PCOLCE2: variants seen among roughly 807,000 people sequenced by gnomAD.
PCOLCE2 encodes procollagen C-proteinase enhancer 2.
A neutral mutation model predicts 47.0 loss-of-function variants in PCOLCE2; 42 were observed. That is an observed-to-expected ratio of 0.89 (90% CI 0.70 to 1.16). PCOLCE2 has a LOEUF of 1.16. Among genes scored for constraint, PCOLCE2 ranks in the 50% most tolerant of loss-of-function variants. The pLI is 0.00. For missense variants in PCOLCE2, 500 were observed against 526.1 expected (o/e 0.95, Z 0.49); for synonymous variants, 169 against 191.7 (o/e 0.88, Z 0.98).
In PCOLCE2 at chr3:142,818,428, A is replaced by C; in HGVS notation, c.1155T>G (p.Asp385Glu). 1 of 1,613,008 alleles carries C rather than the reference A, an allele frequency of 6.2e-7. No individual in the cohort carries two copies. Among genetic ancestry groups the C allele is most frequent in the Non-Finnish European group, 8.5e-7 (1 of 1,179,074 alleles). ...NYIIMGQVGE[D>E]GRGKIMPNSF... ...TGTTTGGCATGATTTTGCCTCGCCCATCTTCACCTACTTGGCCCATAATAA... is the reference window on the plus strand; with the variant it reads ...TGTTTGGCATGATTTTGCCTCGCCCCTCTTCACCTACTTGGCCCATAATAA... Residue 385 changes from aspartate (D) to glutamate (E), a missense_variant, in exon 9 of 9, where the codon GAT (aspartate) becomes GAG (glutamate). By Grantham distance (45) the Asp-to-Glu change is conservative. Coordinates refer to ENST00000295992, the MANE Select transcript of PCOLCE2 (RefSeq NM_013363.4).
intron 2 of PCOLCE2, among the ~76,000 whole-genome samples, chr3:142,865,343 T>C (rs1208316208): frequency 6.6e-6 from 1 of 152,150 alleles, no homozygotes; most frequent in Non-Finnish European, 1.5e-5. Flanking sequence ...TTGTCAACCC[T>C]AAAGTACTTT....
intron 2 of PCOLCE2, among the ~76,000 whole-genome samples, chr3:142,852,922 T>C (rs948072385): frequency 4.6e-5 from 7 of 151,170 alleles, no homozygotes; most frequent in South Asian, 2.1e-4. Flanking sequence ...CTGGGCAACA[T>C]AGGGAGATCG....
chr3:142,880,905 C>T (rs945348497), intron 2 of PCOLCE2, among the ~76,000 whole-genome samples: 6 of 152,232 alleles, frequency 3.9e-5, no homozygotes, highest in East Asian at 1.9e-4. Flanking sequence ...ACTCTTTGCA[C>T]GAAGCAATAA....
chr3:142,837,870 A>T (rs1937222124), intron 5 of PCOLCE2, among the ~76,000 whole-genome samples: 1 of 152,234 alleles, frequency 6.6e-6, no homozygotes, highest in African/African-American at 2.4e-5. Context: ...TTGAATAAAT[A>T]CATGGTGCCT....
intron 3 of PCOLCE2, chr3:142,846,526 T>C (rs977270364): frequency 3.3e-5 from 5 of 152,242 alleles, no homozygotes; most frequent in Non-Finnish European, 7.3e-5. Context: ...GTTGATATTT[T>C]TCACTGTATT....
At chr3:142,871,819 C>T (rs56156702) in intron 2 of PCOLCE2, among the ~76,000 whole-genome samples, 32,197 of 152,102 alleles carry the variant, frequency 0.21, 5,918 homozygotes, top group African/African-American at 0.51. Context: ...ATATTCAATA[C>T]ACATATGTAC....
chr3:142,848,981 G>A (rs751267204), intron 2 of PCOLCE2, among the ~76,000 whole-genome samples: 3 of 152,034 alleles, frequency 2.0e-5, no homozygotes, highest in Admixed American at 6.6e-5. Context: ...GTGAAACCCC[G>A]TCTCTACTAA....
chr3:142,853,084 TAG>T (rs886759732), intron 2 of PCOLCE2, among the ~76,000 whole-genome samples: 1 of 136,858 alleles, frequency 7.3e-6, no homozygotes, highest in Non-Finnish European at 1.5e-5. Flanking sequence ...GCCTGGAGAA[TAG>T]AGAGAGACCC....
chr3:142,826,846 G>A (rs541972066), intron 6 of PCOLCE2, among the ~76,000 whole-genome samples: 32 of 152,126 alleles, frequency 2.1e-4, no homozygotes, highest in Non-Finnish European at 3.5e-4. Flanking sequence ...TCCCTTCCAC[G>A]GCTTTCACCA....
chr3:142,864,346 C>A (rs940255573), intron 2 of PCOLCE2: 1 of 152,156 alleles, frequency 6.6e-6, no homozygotes, highest in African/African-American at 2.4e-5. Flanking sequence ...TGAGAGTCTT[C>A]GAATGCCATA....
At chr3:142,833,047 C>T (rs1454534524) in intron 5 of PCOLCE2, among the ~76,000 whole-genome samples, 1 of 152,192 alleles carries the variant, frequency 6.6e-6, no homozygotes, top group Non-Finnish European at 1.5e-5. Context: ...GCAGCCACTA[C>T]CCTGAATTTT....
rs1415112915 is a variant in PCOLCE2 at position 142,843,043 on chromosome 3, G to A, written c.454C>T (p.Gln152Ter). 4 of 1,613,218 alleles carry A rather than the reference G, an allele frequency of 2.5e-6. No homozygotes were observed. Among genetic ancestry groups the A allele is most frequent in the Non-Finnish European group, 2.5e-6 (3 of 1,179,498 alleles). The change falls in exon 4 of 9, where the codon CAG becomes TAG. Residue 152 changes from glutamine (Q) to a stop codon, truncating the protein, a stop_gained. Coordinates refer to ENST00000295992, the MANE Select transcript of PCOLCE2 (RefSeq NM_013363.4). LOFTEE classifies it high-confidence loss of function. ...SAAEPNERGD[Q>*]YCGGLLDRPS... ...CTGTCAAGGAGTCCTCCACAATACTGATCCCCTTCAAGTATTAAACAAGGA... is the reference window on the plus strand; with the variant it reads ...CTGTCAAGGAGTCCTCCACAATACTAATCCCCTTCAAGTATTAAACAAGGA...
intron 6 of PCOLCE2, chr3:142,827,760 CTT>C (rs1170612403): frequency 2.9e-5 from 20 of 694,626 alleles, no homozygotes; most frequent in South Asian, 2.5e-4. Context: ...TGGCTTAAAT[CTT>C]TTAGTCTGGG....
intron 2 of PCOLCE2, among the ~76,000 whole-genome samples, chr3:142,866,130 G>C (rs933145926): frequency 1.3e-4 from 20 of 152,278 alleles, no homozygotes; most frequent in African/African-American, 4.8e-4. Context: ...TGTGTATGAG[G>C]GTTTGCCTGG....
rs781411140 is a variant in PCOLCE2 at position 142,848,449 on chromosome 3, A to G, written c.216T>C (p.Val72=). Residue 72 remains valine (V), a synonymous_variant, in exon 3 of 9, where the codon GTT becomes GTC. Transcript: ENST00000295992. ...KITVPEGKVV[V]LNFRFIDLES... ...CGAGGTCTATGAATCGGAAATTGAG[A>G]ACGACTACTTTTCCTTCGGGAACCT... The G allele has an allele frequency of 1.7e-5, 27 of 1,600,276 alleles. No homozygotes were observed. The highest frequency in any genetic ancestry group is 1.3e-4 in the East Asian group (6 of 44,516).
chr3:142,833,556 G>A (rs1226010405), intron 5 of PCOLCE2, among the ~76,000 whole-genome samples: 1 of 150,212 alleles, frequency 6.7e-6, no homozygotes, highest in Non-Finnish European at 1.5e-5. Flanking sequence ...TTTATAGTGT[G>A]CACTATAACA....
intron 2 of PCOLCE2, chr3:142,863,756 C>T (rs764998992): frequency 2.0e-5 from 3 of 152,212 alleles, no homozygotes; most frequent in African/African-American, 4.8e-5. Context: ...ACCTAGCTAA[C>T]TTTGCTTATA....
chr3:142,881,268 T>G, intron 2 of PCOLCE2, among the ~76,000 whole-genome samples: 1 of 152,220 alleles, frequency 6.6e-6, no homozygotes, highest in African/African-American at 2.4e-5. Context: ...AGTATGACAT[T>G]AGTTAAGACA....
At chr3:142,871,520 T>C (rs1933386062) in intron 2 of PCOLCE2, among the ~76,000 whole-genome samples, 1 of 152,248 alleles carries the variant, frequency 6.6e-6, no homozygotes, top group African/African-American at 2.4e-5. Flanking sequence ...GCTGTGAAGG[T>C]GTTTTGTAGA....
Sources: gnomAD v4.1 joint callset for allele counts (sites outside exome capture counted in the v4.1 genomes callset) on GRCh38, gnomAD v4.1.1 for gene constraint, MANE v1.5 for transcripts, NCBI Gene and HGNC (gene_info 2026-07-23, HGNC 2026-07-21) for gene names.